NDUFA10: variants seen among roughly 807,000 people sequenced by gnomAD.
NDUFA10 encodes NADH dehydrogenase [ubiquinone] 1 alpha subcomplex subunit 10, mitochondrial.
In NDUFA10, 40 loss-of-function variants were observed where a neutral mutation model predicts 47.8. That is an observed-to-expected ratio of 0.84 (90% CI 0.65 to 1.09). The LOEUF (loss-of-function observed/expected upper bound fraction) is 1.09, where lower values mean the gene tolerates loss of function less well. Ranked by LOEUF, NDUFA10 falls within the 50% of genes least tolerant of loss-of-function variation. The pLI is 0.00. For synonymous variants in NDUFA10, 183 were observed against 172.2 expected (o/e 1.06, Z -0.49); for missense variants, 413 against 451.1 (o/e 0.92, Z 0.76).
chr2:239,905,582 G>T (rs68020098), intron 4 of NDUFA10, among the ~76,000 whole-genome samples: 28,109 of 152,028 alleles, frequency 0.18, 2,770 homozygotes, highest in African/African-American at 0.26. Context: ...CTGCCGCGTC[G>T]GGGGGTTTAC....
At chr2:239,944,063 A>G (rs1284824767) in intron 4 of NDUFA10, among the ~76,000 whole-genome samples, 1 of 152,272 alleles carries the variant, frequency 6.6e-6, no homozygotes, top group African/African-American at 2.4e-5. Context: ...CCACCTGGCT[A>G]GTCCTGTTGC....
intron 4 of NDUFA10, among the ~76,000 whole-genome samples, chr2:239,930,307 C>T (rs1694145465): frequency 6.6e-6 from 1 of 152,070 alleles, no homozygotes; most frequent in Non-Finnish European, 1.5e-5. Flanking sequence ...CCTGCTCCTC[C>T]ATTGCCCCTG....
intron 8 of NDUFA10, among the ~76,000 whole-genome samples, chr2:240,000,754 T>TA (rs1047825473): frequency 2.5e-4 from 38 of 152,318 alleles, no homozygotes; most frequent in African/African-American, 9.1e-4. Flanking sequence ...TATGTTTAGA[T>TA]ACACAAATAC....
intron 9 of NDUFA10, 40 bp downstream of exon 9, chr2:239,990,034 C>G: frequency 1.4e-6 from 2 of 1,418,108 alleles, no homozygotes; most frequent in Non-Finnish European, 2.0e-6. Flanking sequence ...GTGCTGCAGA[C>G]TCATCCACTG....
At position 239,978,432 on chromosome 2, in the gene NDUFA10, C is replaced by T. The variant is rs146219913; in HGVS notation, c.999+11642G>A. 8.2e-3 allele frequency among the ~76,000 whole-genome samples: 1,256 copies of T among 152,270 alleles called. 8 individuals carry two copies. The highest frequency in any genetic ancestry group is 0.013 in the Non-Finnish European group (858 of 68,022). The stretch of plus-strand genomic sequence containing the variant: ...GCTCCTCTACAGGCTCCTCTGCTGG[C>T]GCCCAGGGCCCACACAGTCTGGCCT... On this transcript the variant is annotated intron_variant, in intron 9 of 9. Coordinates refer to ENST00000252711, the MANE Select transcript of NDUFA10 (RefSeq NM_004544.4).
rs1040014868 is a variant in NDUFA10 at position 240,016,683 on chromosome 2, C to T, written c.548-1823G>A. On this transcript the variant is annotated intron_variant, in intron 4 of 9. Coordinates refer to ENST00000252711, the MANE Select transcript of NDUFA10 (RefSeq NM_004544.4). The surrounding 1 kb of genome is among the most constrained non-coding windows in gnomAD (Gnocchi z 4.4). ...GGGTCTCATCACCCCAGAAATGGTCCCCAAAGGATCTGGTCTCAGCCCTCC... is the reference window on the plus strand; with the variant it reads ...GGGTCTCATCACCCCAGAAATGGTCTCCAAAGGATCTGGTCTCAGCCCTCC... Among the ~76,000 whole-genome samples the T allele has an allele frequency of 1.3e-4, 20 of 152,062 alleles. No individual in the cohort carries two copies. The highest frequency in any genetic ancestry group is 4.8e-4 in the African/African-American group (20 of 41,410).
rs543892546 is a variant in NDUFA10, at chr2:239,893,406, C to T, written c.*15-699G>A. ...CATGAATGTGGCTGTTGGGATGTGTCTTAGTCCATCTGTGTTGCTGTAACA... is the reference window on the plus strand; with the variant it reads ...CATGAATGTGGCTGTTGGGATGTGTTTTAGTCCATCTGTGTTGCTGTAACA... On this transcript the variant is annotated intron_variant, in intron 5 of 5. Coordinates refer to the NDUFA10 transcript ENST00000419408. 4.1e-3 allele frequency among the ~76,000 whole-genome samples: 624 copies of T among 152,308 alleles called. 2 individuals are homozygous for T. Among genetic ancestry groups the T allele is most frequent in the Non-Finnish European group, 5.6e-3 (379 of 68,024 alleles).
chr2:240,023,499 G>C (rs1281872384), intron 1 of NDUFA10, among the ~76,000 whole-genome samples: 1 of 152,174 alleles, frequency 6.6e-6, no homozygotes, highest in East Asian at 1.9e-4. Context: ...TGGGTCTACA[G>C]CATTAGGAAT....
intron 4 of NDUFA10, among the ~76,000 whole-genome samples, chr2:239,949,712 C>G (rs1413382352): frequency 6.6e-6 from 1 of 151,868 alleles, no homozygotes; most frequent in South Asian, 2.1e-4. Context: ...TCCAACTCAG[C>G]CTCAAGCGAT....
chr2:239,992,727 C>A (rs1310586232), intron 8 of NDUFA10, among the ~76,000 whole-genome samples: 14 of 152,090 alleles, frequency 9.2e-5, no homozygotes. Flanking sequence ...AAGCAGGCGC[C>A]AGTCAGTTAG....
chr2:239,983,560 G>C, intron 9 of NDUFA10: 1 of 1,600,754 alleles, frequency 6.2e-7, no homozygotes, highest in Non-Finnish European at 8.5e-7. Flanking sequence ...GGGGCTTTCT[G>C]GAAAGAGGAA....
chr2:239,959,208 G>A lies in NDUFA10; in HGVS notation c.*1910C>T. ...CACAGGGTCAGACGCAAACACAGGG[G>A]ATGATCAGAGCACCCGAGTCCACAC... On this transcript the variant is annotated 3_prime_UTR_variant, in exon 10 of 10. Transcript: ENST00000252711. 1.4e-6 allele frequency: 1 copy of A among 709,310 alleles called. No individual in the cohort carries two copies. The highest frequency in any genetic ancestry group is 1.7e-6 in the Non-Finnish European group (1 of 587,280). 43.9% of individuals were successfully genotyped at this position (709,310 alleles called of 1,614,324 possible). A position where few individuals can be genotyped will look rare whatever the true frequency, so the allele number is the denominator to read the frequency against.
chr2:239,897,119 A>C (rs1254245197), intron 4 of NDUFA10, among the ~76,000 whole-genome samples: 2 of 152,224 alleles, frequency 1.3e-5, no homozygotes, highest in Non-Finnish European at 2.9e-5. Flanking sequence ...TCCACACATG[A>C]GAGCTTTGGC....
At chr2:239,927,034 C>T (rs945897525) in intron 4 of NDUFA10, among the ~76,000 whole-genome samples, 1 of 152,062 alleles carries the variant, frequency 6.6e-6, no homozygotes, top group Admixed American at 6.6e-5. Flanking sequence ...TCCACCCCCA[C>T]GATTCAACGG....
At chr2:239,902,802 C>T (rs1693577679) in intron 4 of NDUFA10, among the ~76,000 whole-genome samples, 1 of 152,200 alleles carries the variant, frequency 6.6e-6, no homozygotes, top group Admixed American at 6.5e-5. Context: ...GCACCCAGAC[C>T]TGCAGTCCAG....
intron 9 of NDUFA10, chr2:239,969,850 A>C: frequency 6.6e-6 from 3 of 456,018 alleles, no homozygotes; most frequent in South Asian, 4.7e-5. Flanking sequence ...ACTATCCAAA[A>C]TTAGGCACAG....
chr2:240,008,623 T>C (rs116536364), intron 6 of NDUFA10, among the ~76,000 whole-genome samples: 2,039 of 152,318 alleles, frequency 0.013, 42 homozygotes, highest in African/African-American at 0.046. Flanking sequence ...CACAGCAATA[T>C]GAAAGGTCAC....
intron 5 of NDUFA10, chr2:240,014,441 C>T (rs957811143): frequency 4.8e-5 from 21 of 440,254 alleles, no homozygotes; most frequent in South Asian, 2.5e-4. Context: ...GGATGGAGGA[C>T]GCTCTGCCAG....
intron 9 of NDUFA10, among the ~76,000 whole-genome samples, chr2:239,977,066 C>G (rs1323548405): frequency 1.3e-5 from 2 of 152,160 alleles, no homozygotes; most frequent in Non-Finnish European, 2.9e-5. Context: ...ACAGGAAGAG[C>G]TGGGAAACCT....
Sources: allele counts gnomAD v4.1 joint callset (sites outside exome capture counted in the v4.1 genomes callset), GRCh38; gene constraint gnomAD v4.1.1; non-coding constraint Gnocchi (gnomAD v3.1); transcripts MANE v1.5; gene names NCBI Gene and HGNC (gene_info 2026-07-23, HGNC 2026-07-21).